Variants in ANO6 observed in about 807,000 individuals in gnomAD.
The protein encoded by ANO6 is anoctamin 6.
Under a neutral mutation model 117.5 loss-of-function variants are expected in ANO6, and 106 were observed. The ratio of observed to expected loss-of-function variants is 0.90; its 90% CI spans 0.77 to 1.06. The LOEUF is 1.06. Ranked by LOEUF, ANO6 falls within the 50% of genes least tolerant of loss-of-function variation. The pLI, the probability that ANO6 is intolerant of heterozygous loss-of-function variation, is 0.00. For synonymous variants in ANO6, 367 were observed against 385.1 expected (o/e 0.95, Z 0.55); for missense variants, 955 against 1,121.1 (o/e 0.85, Z 2.12).
At chr12:45,376,828 T>C (rs1425468189) in intron 9 of ANO6, among the ~76,000 whole-genome samples, 1 of 150,244 alleles carries the variant, frequency 6.7e-6, no homozygotes, top group African/African-American at 2.5e-5. Context: ...AATGTGCACA[T>C]GTACCCTAAA....
chr12:45,219,009 A>C (rs1947357081), intron 1 of ANO6, among the ~76,000 whole-genome samples: 1 of 152,152 alleles, frequency 6.6e-6, no homozygotes, highest in Non-Finnish European at 1.5e-5. Flanking sequence ...GCAAGATCAT[A>C]GTTCGCTGCA....
intron 1 of ANO6, 76 bp downstream of exon 1, chr12:45,216,467 CGCTGTGCTCTCCGCGGGGGA>C: frequency 6.6e-7 from 1 of 1,510,226 alleles, no homozygotes; most frequent in South Asian, 1.2e-5. Context: ...TGCGCGGGGG[CGCTGTGCTCTCCGCGGGGGA>C]GGTTGGCCGA....
In ANO6 at chr12:45,429,094, C is replaced by T. The variant is rs747957093; in HGVS notation, c.2527-11C>T. ...CTTTGTGAGTGACATTTTTCTTCTT[C>T]TCTTCCCCAGCACGTCATCTACTCT... On this transcript the variant is annotated splice_polypyrimidine_tract_variant and intron_variant, in intron 19 of 19. Coordinates refer to ENST00000320560, the MANE Select transcript of ANO6 (RefSeq NM_001025356.3). 2 of 1,612,562 alleles carry T rather than the reference C, an allele frequency of 1.2e-6. No homozygotes were observed. Among genetic ancestry groups the T allele is most frequent in the Non-Finnish European group, 1.7e-6 (2 of 1,179,610 alleles).
intron 19 of ANO6, among the ~76,000 whole-genome samples, chr12:45,438,586 G>A (rs965208307): frequency 6.6e-6 from 1 of 152,158 alleles, no homozygotes. Flanking sequence ...TGTATCAGCT[G>A]TATGTGAAAT....
chr12:45,248,051 CCTG>C (rs1284557844), intron 1 of ANO6, among the ~76,000 whole-genome samples: 1 of 152,078 alleles, frequency 6.6e-6, no homozygotes, highest in African/African-American at 2.4e-5. Context: ...ACTTGAAAAT[CCTG>C]CTAATATCAC....
intron 3 of ANO6, among the ~76,000 whole-genome samples, chr12:45,336,228 C>T (rs914708649): frequency 6.6e-6 from 1 of 151,902 alleles, no homozygotes; most frequent in Non-Finnish European, 1.5e-5. Context: ...TTTCTTATAT[C>T]TATTGAGGTG....
chr12:45,344,720 G>A (rs1941079556), intron 3 of ANO6, among the ~76,000 whole-genome samples: 1 of 152,132 alleles, frequency 6.6e-6, no homozygotes, highest in South Asian at 2.1e-4. Flanking sequence ...GGATCAAAAT[G>A]CTTTACCCAA....
chr12:45,321,403 G>A (rs572240988), intron 2 of ANO6, among the ~76,000 whole-genome samples: 5 of 151,990 alleles, frequency 3.3e-5, no homozygotes, highest in East Asian at 1.9e-4. Flanking sequence ...CAGTTGGAAG[G>A]TATCGATTCA....
chr12:45,242,105 T>C (rs888346287), intron 1 of ANO6, among the ~76,000 whole-genome samples: 1 of 152,068 alleles, frequency 6.6e-6, no homozygotes, highest in African/African-American at 2.4e-5. Context: ...CTCTCCGGAG[T>C]TGTCAGACAG....
intron 2 of ANO6, among the ~76,000 whole-genome samples, chr12:45,329,909 A>G (rs1940605781): frequency 6.6e-6 from 1 of 152,120 alleles, no homozygotes; most frequent in Non-Finnish European, 1.5e-5. Flanking sequence ...ATTTTCATAT[A>G]GTTTTAAATA....
chr12:45,224,823 A>G (rs1009510236), intron 1 of ANO6, among the ~76,000 whole-genome samples: 7 of 152,180 alleles, frequency 4.6e-5, no homozygotes, highest in African/African-American at 1.4e-4. Flanking sequence ...AAATGCTCCT[A>G]TGAAAATTTC....
At chr12:45,252,439 G>A (rs1381198714) in intron 1 of ANO6, among the ~76,000 whole-genome samples, 1 of 152,176 alleles carries the variant, frequency 6.6e-6, no homozygotes, top group Non-Finnish European at 1.5e-5. Context: ...AAACATATCT[G>A]CATCTCCAAA....
intron 1 of ANO6, among the ~76,000 whole-genome samples, chr12:45,220,365 A>T (rs1158997074): frequency 6.6e-6 from 1 of 152,118 alleles, no homozygotes; most frequent in Non-Finnish European, 1.5e-5. Flanking sequence ...AGAGATAATG[A>T]TCCAGCTATT....
At chr12:45,340,022 A>G (rs561646362) in intron 3 of ANO6, among the ~76,000 whole-genome samples, 1 of 152,290 alleles carries the variant, frequency 6.6e-6, no homozygotes, top group South Asian at 2.1e-4. Flanking sequence ...TAATAGAAAG[A>G]AAATGGTAGA....
At chr12:45,407,998 TAG>T (rs1244713254) in intron 15 of ANO6, among the ~76,000 whole-genome samples, 1 of 152,044 alleles carries the variant, frequency 6.6e-6, no homozygotes, top group African/African-American at 2.4e-5. Context: ...TCTCCTGTAG[TAG>T]AGATAATTTC....
At chr12:45,224,691 C>T in intron 1 of ANO6, among the ~76,000 whole-genome samples, 1 of 152,148 alleles carries the variant, frequency 6.6e-6, no homozygotes, top group East Asian at 1.9e-4. Context: ...AAGAGTTACT[C>T]TTACTTAATT....
At chr12:45,242,348 G>T (rs1490562787) in intron 1 of ANO6, among the ~76,000 whole-genome samples, 5 of 152,262 alleles carry the variant, frequency 3.3e-5, no homozygotes, top group Non-Finnish European at 7.3e-5. Flanking sequence ...CACTAGCAGT[G>T]AGCAAGGCTC....
chr12:45,383,959 C>A (rs1942232754), intron 10 of ANO6, among the ~76,000 whole-genome samples: 1 of 152,196 alleles, frequency 6.6e-6, no homozygotes, highest in South Asian at 2.1e-4. Flanking sequence ...CTGTGAAAGT[C>A]CCAGATGACA....
At chr12:45,328,886 C>G (rs1441173439) in intron 2 of ANO6, among the ~76,000 whole-genome samples, 1 of 152,058 alleles carries the variant, frequency 6.6e-6, no homozygotes, top group Non-Finnish European at 1.5e-5. Context: ...TTGATACTTA[C>G]TTTTCGTAGT....
Sources: gnomAD v4.1 joint callset for allele counts (sites outside exome capture counted in the v4.1 genomes callset) on GRCh38, gnomAD v4.1.1 for gene constraint, MANE v1.5 for transcripts, NCBI Gene and HGNC (gene_info 2026-07-23, HGNC 2026-07-21) for gene names.